Variants in ARL15 observed in about 807,000 individuals in gnomAD.
ARL15 encodes ADP-ribosylation factor-like protein 15.
In ARL15, 19 loss-of-function variants were observed where a neutral mutation model predicts 25.2. The observed-to-expected ratio is 0.75, with a 90% CI of 0.53 to 1.10. The LOEUF (loss-of-function observed/expected upper bound fraction) is 1.10, where lower values mean the gene tolerates loss of function less well. ARL15 is among the 50% of genes least tolerant of loss of function. ARL15 has a pLI of 0.00. For missense variants in ARL15, 220 were observed against 246.0 expected (o/e 0.89, Z 0.71); for synonymous variants, 94 against 86.8 (o/e 1.08, Z -0.46).
chr5:54,242,683 A>G (rs1445255111), intron 1 of ARL15, among the ~76,000 whole-genome samples: 2 of 152,222 alleles, frequency 1.3e-5, no homozygotes, highest in Non-Finnish European at 2.9e-5. Context: ...AGATGGAGAC[A>G]GCATAGAATG....
intron 4 of ARL15, among the ~76,000 whole-genome samples, chr5:53,963,611 C>G (rs1454353668): frequency 6.6e-6 from 1 of 152,080 alleles, no homozygotes; most frequent in Non-Finnish European, 1.5e-5. Context: ...AGTTCAAGAC[C>G]AGCCTGGCCA....
chr5:54,205,087 C>G (rs1212072826), intron 1 of ARL15, among the ~76,000 whole-genome samples: 1 of 152,018 alleles, frequency 6.6e-6, no homozygotes, highest in Non-Finnish European at 1.5e-5. Context: ...GGGTGTGAGC[C>G]ACCACGCCTG....
In ARL15 at chr5:54,281,178, C is replaced by T. The variant is rs573315070; in HGVS notation, c.48+29254G>A. Among the ~76,000 whole-genome samples the T allele has an allele frequency of 3.2e-4, 49 of 152,272 alleles. 2 individuals are homozygous for T. In the South Asian group the frequency reaches 9.7e-3, roughly 30 times the overall value. ...TTTTGAGACCGAGTTTCGCTCTTGT[C>T]ACCCAAGCTGGAGTGCAGTGGTACG... is the stretch of plus-strand genomic sequence containing the variant. On this transcript the variant is annotated intron_variant, in intron 1 of 4. Transcript: ENST00000504924.
chr5:54,102,835 A>T (rs1752479882), intron 4 of ARL15, among the ~76,000 whole-genome samples: 1 of 152,196 alleles, frequency 6.6e-6, no homozygotes, highest in Non-Finnish European at 1.5e-5. Flanking sequence ...AAATATTACA[A>T]ATTCTACATG....
At chr5:54,241,851 G>T (rs1271124697) in intron 1 of ARL15, among the ~76,000 whole-genome samples, 1 of 152,168 alleles carries the variant, frequency 6.6e-6, no homozygotes, top group Non-Finnish European at 1.5e-5. Context: ...TGGGGGCTCT[G>T]TCATCCACTG....
intron 4 of ARL15, among the ~76,000 whole-genome samples, chr5:54,070,330 T>C (rs1470971724): frequency 1.3e-5 from 2 of 150,918 alleles, no homozygotes; most frequent in African/African-American, 4.9e-5. Flanking sequence ...AGGTGGAGCT[T>C]GCAGTGAGCC....
At chr5:54,081,145 G>T (rs532714902) in intron 4 of ARL15, among the ~76,000 whole-genome samples, 1 of 152,054 alleles carries the variant, frequency 6.6e-6, no homozygotes, top group Non-Finnish European at 1.5e-5. Flanking sequence ...GCACAAGTTG[G>T]TCCATAACTT....
intron 3 of ARL15, among the ~76,000 whole-genome samples, 184 bp from the exon 4 acceptor site, chr5:54,113,594 A>G (rs1277879467): frequency 3.9e-5 from 6 of 152,226 alleles, no homozygotes; most frequent in Non-Finnish European, 8.8e-5. Context: ...CAAAGAAGGC[A>G]GTAGAGCCAA....
intron 3 of ARL15, among the ~76,000 whole-genome samples, chr5:54,144,138 T>C (rs998256288): frequency 3.3e-5 from 5 of 152,072 alleles, no homozygotes; most frequent in African/African-American, 9.6e-5. Flanking sequence ...GTTTATAATA[T>C]TTCTAAGTAT....
chr5:54,008,632 A>T (rs1055428645), intron 4 of ARL15, among the ~76,000 whole-genome samples: 1 of 151,974 alleles, frequency 6.6e-6, no homozygotes, highest in East Asian at 1.9e-4. Flanking sequence ...CTACTGCAGC[A>T]TTTCTAACAG....
intron 4 of ARL15, among the ~76,000 whole-genome samples, chr5:54,029,231 G>A (rs935796376): frequency 6.6e-6 from 1 of 151,922 alleles, no homozygotes; most frequent in Non-Finnish European, 1.5e-5. Flanking sequence ...TCCTCAGGTT[G>A]TCAGGAGTAC....
intron 4 of ARL15, among the ~76,000 whole-genome samples, chr5:53,910,795 G>A (rs1260512248): frequency 2.0e-5 from 3 of 151,042 alleles, no homozygotes; most frequent in Non-Finnish European, 3.0e-5. Context: ...CTGCCCTTTC[G>A]TTTTTCAAAA....
chr5:54,161,711 C>A lies in ARL15; in HGVS notation c.194-7072G>T, dbSNP rs1277488761. Reference sequence around the variant, plus strand: ...ACAGCCATATGCTTATCTGTAATATCTGATGCAAATACTTCCAACAGTATT... The same window carrying A: ...ACAGCCATATGCTTATCTGTAATATATGATGCAAATACTTCCAACAGTATT... On this transcript the variant is annotated intron_variant, in intron 2 of 4. Transcript: ENST00000504924. 4.6e-5 allele frequency among the ~76,000 whole-genome samples: 7 copies of A among 152,100 alleles called. No individual in the cohort carries two copies. In the East Asian group the frequency reaches 1.2e-3, roughly 25 times the overall value.
At chr5:54,003,181 A>G (rs1748902298) in intron 4 of ARL15, among the ~76,000 whole-genome samples, 1 of 152,170 alleles carries the variant, frequency 6.6e-6, no homozygotes, top group Admixed American at 6.5e-5. Flanking sequence ...CTCATTTTGG[A>G]AGTTACAAAT....
chr5:53,922,825 G>A (rs961562602), intron 4 of ARL15, among the ~76,000 whole-genome samples: 3 of 140,910 alleles, frequency 2.1e-5, no homozygotes, highest in African/African-American at 8.0e-5. Context: ...TCCTGAACCA[G>A]AAACACAAGA....
intron 4 of ARL15, among the ~76,000 whole-genome samples, chr5:54,004,695 A>G (rs752028908): frequency 3.9e-5 from 6 of 152,066 alleles, no homozygotes; most frequent in Non-Finnish European, 7.4e-5. Context: ...TGGTAGTGCT[A>G]TATTTACAGG....
chr5:53,895,259 T>C (rs1211662248), intron 4 of ARL15, among the ~76,000 whole-genome samples: 1 of 152,194 alleles, frequency 6.6e-6, no homozygotes, highest in Non-Finnish European at 1.5e-5. Flanking sequence ...GTTCACACTT[T>C]AGTGGGACAG....
chr5:54,084,684 G>A (rs183000605), intron 4 of ARL15, among the ~76,000 whole-genome samples: 6 of 152,268 alleles, frequency 3.9e-5, no homozygotes, highest in Admixed American at 2.0e-4. Context: ...TGAAAGCTGA[G>A]GGGTAGGGTT....
At chr5:53,981,323 G>A (rs1245991686) in intron 4 of ARL15, among the ~76,000 whole-genome samples, 4 of 152,124 alleles carry the variant, frequency 2.6e-5, no homozygotes, top group Admixed American at 2.6e-4. Flanking sequence ...TCATCCTTTG[G>A]TTTTATTAAA....
Sources: gnomAD v4.1 joint callset for allele counts (sites outside exome capture counted in the v4.1 genomes callset) on GRCh38, gnomAD v4.1.1 for gene constraint, MANE v1.5 for transcripts, NCBI Gene and HGNC (gene_info 2026-07-23, HGNC 2026-07-21) for gene names.